The following JMJD7 variants were observed in gnomAD, a reference collection of about 807,000 sequenced individuals.
The protein encoded by JMJD7 is bifunctional peptidase and (3S)-lysyl hydroxylase JMJD7.
Under a neutral mutation model 41.1 loss-of-function variants are expected in JMJD7, and 41 were observed. That is an observed-to-expected ratio of 1.00 (90% CI 0.78 to 1.30). The LOEUF is 1.30. Among genes scored for constraint, JMJD7 ranks in the 50% most tolerant of loss-of-function variants. The pLI is 0.00. For missense variants in JMJD7, 480 were observed against 420.7 expected, an observed-to-expected ratio of 1.14 and a Z score of -1.23; for synonymous variants, 202 against 177.2, an observed-to-expected ratio of 1.14 and a Z score of -1.11.
Position 41,837,070 on chromosome 15 carries a change from A to G in JMJD7, c.865A>G (p.Asn289Asp), listed in dbSNP as rs1173086920. The change falls in exon 8 of 8, where the codon AAT becomes GAT. Residue 289 changes from asparagine (N) to aspartate (D), a missense_variant and splice_region_variant. Transcript: ENST00000397299. ...TCAGATCCCCGTTCTTCCCACAGTG[A>G]ATTTCTGGTATGACATGGAATACGA... ...VQQSQGCIAV[N>D]FWYDMEYDLK... 6.2e-7 allele frequency: 1 copy of G among 1,613,112 alleles called. No homozygotes were observed. The highest frequency in any genetic ancestry group is 1.3e-5 in the African/African-American group (1 of 74,880).
At chr15:41,831,061 C>T (rs1397526234) in intron 1 of JMJD7, among the ~76,000 whole-genome samples, 1 of 152,200 alleles carries the variant, frequency 6.6e-6, no homozygotes, top group East Asian at 1.9e-4. Flanking sequence ...TTCCATGGAC[C>T]GGAATGGGAA....
In JMJD7 at chr15:41,837,263, C is replaced by T. The variant is rs1273807180; in HGVS notation, c.*107C>T. On this transcript the variant is annotated 3_prime_UTR_variant, in exon 8 of 8. Transcript: ENST00000397299. ...CTGGAGTGTGCATGCTGGCTGCTGG[C>T]CCCGGGTCCAGCATGGCTTGAGATC... The T allele has an allele frequency of 1.4e-5, 10 of 733,336 alleles. No individual in the cohort carries two copies. In the Admixed American group the frequency reaches 2.2e-4, roughly 16 times the overall value. The allele number at this position is 733,336 out of a possible 1,614,324, so 45.4% of individuals were successfully genotyped here. A position where few individuals can be genotyped will look rare whatever the true frequency, so the allele number is the denominator to read the frequency against.
chr15:41,835,058 G>A lies in JMJD7; in HGVS notation c.307G>A (p.Ala103Thr), dbSNP rs533259141. ...AVRGDRFMMP[A>T]ERRLPLSFVL... ...GAGAGGGGATCGCTTCATGATGCCA[G>A]CTGAGCGCCGCCTGCCCCTGAGCTT... The change falls in exon 3 of 8, where the codon GCT becomes ACT. Residue 103 changes from alanine to threonine, a missense_variant. Ala to Thr is a moderately conservative substitution (Grantham distance 58). Transcript: ENST00000397299. 5.0e-6 allele frequency: 8 copies of A among 1,613,862 alleles called. No homozygotes were observed. In the South Asian group the frequency reaches 7.7e-5, roughly 16 times the overall value.
At chr15:41,830,824 C>G (rs932396171) in intron 1 of JMJD7, among the ~76,000 whole-genome samples, 1 of 152,262 alleles carries the variant, frequency 6.6e-6, no homozygotes, top group African/African-American at 2.4e-5. Flanking sequence ...AGCCCCCTGC[C>G]TCCTTGGCCC....
At chr15:41,829,470 C>T (rs1799368270) in intron 1 of JMJD7, among the ~76,000 whole-genome samples, 1 of 152,188 alleles carries the variant, frequency 6.6e-6, no homozygotes, top group Non-Finnish European at 1.5e-5. Context: ...CGCCACCACG[C>T]CTGGCTAATT....
intron 1 of JMJD7, among the ~76,000 whole-genome samples, chr15:41,828,911 T>C (rs1373557703): frequency 6.6e-6 from 1 of 152,244 alleles, no homozygotes; most frequent in South Asian, 2.1e-4. Context: ...TACCTCAGTC[T>C]TTTTCACGTC....
chr15:41,833,389 A>AAT (rs1567164757), intron 1 of JMJD7, among the ~76,000 whole-genome samples: 16 of 103,518 alleles, frequency 1.5e-4, no homozygotes, highest in African/African-American at 5.9e-4. Flanking sequence ...ATGTAGGTGA[A>AAT]ATACATATAT....
rs375939436 is a variant in JMJD7 at position 41,836,180 on chromosome 15, G to T, written c.562G>T (p.Val188Leu). ...HKDHYENLYC[V>L]VSGEKHFLFH... is the part of the protein sequence containing the mutation. ...GGACCACTATGAGAACCTCTACTGC[G>T]TGGTCTCAGGAGAGAAGCATTTCCT... The change falls in exon 5 of 8, where the codon GTG (valine) becomes TTG (leucine). Residue 188 changes from valine to leucine, a missense_variant. Transcript: ENST00000397299. 26 of 1,611,744 alleles carry T rather than the reference G, an allele frequency of 1.6e-5. No individual in the cohort carries two copies. The African/African-American group carries it at 3.3e-4, about 21-fold the overall frequency.
intron 4 of JMJD7, 107 bp downstream of exon 4, chr15:41,835,751 C>A: frequency 7.3e-7 from 1 of 1,370,170 alleles, no homozygotes; most frequent in Non-Finnish European, 9.9e-7. Context: ...TTGGGCTGTT[C>A]TCTAAGATTT....
intron 6 of JMJD7, 40 bp downstream of exon 6, chr15:41,836,591 C>T (rs372221448): frequency 3.3e-6 from 5 of 1,513,256 alleles, no homozygotes; most frequent in Non-Finnish European, 4.4e-6. Context: ...GGGAGAAGGG[C>T]AGAAGCCTGG....
At chr15:41,831,069 G>A (rs11632519) in intron 1 of JMJD7, among the ~76,000 whole-genome samples, 33,369 of 152,232 alleles carry the variant, frequency 0.22, 4,783 homozygotes, top group Middle Eastern at 0.45. Context: ...ACCGGAATGG[G>A]AACTTTTGGT....
intron 1 of JMJD7, among the ~76,000 whole-genome samples, chr15:41,833,414 A>ATATATATATATATATT (rs1239528383): frequency 3.1e-5 from 1 of 32,012 alleles, no homozygotes; most frequent in South Asian, 1.4e-3. Context: ...ATATATATAT[A>ATATATATATATATATT]TTTTTTTTTT....
At chr15:41,835,982 C>T in intron 4 of JMJD7, 166 bp from the exon 5 acceptor site, 1 of 682,132 alleles carries the variant, frequency 1.5e-6, no homozygotes, top group Admixed American at 3.2e-5. Flanking sequence ...AGGCAGAGTT[C>T]CAGAATGCCC....
chr15:41,836,703 G>A, intron 6 of JMJD7, 78 bp from the exon 7 acceptor site: 1 of 1,503,502 alleles, frequency 6.7e-7, no homozygotes. Flanking sequence ...GGCCTGTGGT[G>A]TTGACCTTTG....
chr15:41,833,915 CGGTG>C (rs1379036338), intron 1 of JMJD7, among the ~76,000 whole-genome samples: 1 of 152,022 alleles, frequency 6.6e-6, no homozygotes, highest in African/African-American at 2.4e-5. Context: ...GGAGAGGAGA[CGGTG>C]GGTTTGAGAG....
At position 41,828,164 on chromosome 15, in the gene JMJD7, C is replaced by A; in HGVS notation, c.40C>A (p.Arg14=). ...TTTGGAAGCCGTGCGGAGCGAGTTA[C>A]GAGAATTCCCGGCCGCTGCAAGGGG... ...AALEAVRSEL[R]EFPAAARELC... The change falls in exon 1 of 8, where the codon CGA becomes AGA. Residue 14 remains arginine (R), a synonymous_variant. Coordinates refer to ENST00000397299, the MANE Select transcript of JMJD7 (RefSeq NM_001114632.2). The A allele has an allele frequency of 6.7e-7, 1 of 1,492,688 alleles. No individual in the cohort carries two copies. The highest frequency in any genetic ancestry group is 8.8e-7 in the Non-Finnish European group (1 of 1,130,008). 92.5% of individuals were successfully genotyped at this position (1,492,688 alleles called of 1,614,324 possible).
In JMJD7 at chr15:41,834,765, C is replaced by T. The variant is rs2065283116; in HGVS notation, c.90C>T (p.Pro30=). 9 of 1,614,182 alleles carry T rather than the reference C, an allele frequency of 5.6e-6. No homozygotes were observed. The highest frequency in any genetic ancestry group is 7.6e-6 in the Non-Finnish European group (9 of 1,180,034). Residue 30 remains proline, a synonymous_variant, in exon 2 of 8, where the codon CCC becomes CCT. Transcript: ENST00000397299. ...AGCTCTGCGTGCCTCTTGCTGTGCC[C>T]TACCTGGACAAACCCCCAACTCCGC... ...ARELCVPLAV[P]YLDKPPTPLH...
chr15:41,829,040 G>T (rs1567163005), intron 1 of JMJD7: 1 of 152,236 alleles, frequency 6.6e-6, no homozygotes, highest in Non-Finnish European at 1.5e-5. Flanking sequence ...GCATCTCTGT[G>T]TGCCAGGCTC....
At chr15:41,830,856 C>T (rs576045594) in intron 1 of JMJD7, among the ~76,000 whole-genome samples, 61 of 152,338 alleles carry the variant, frequency 4.0e-4, no homozygotes, top group African/African-American at 1.2e-3. Context: ...TGGGTGCCAA[C>T]GAGCATGGGA....
Sources: allele counts gnomAD v4.1 joint callset (sites outside exome capture counted in the v4.1 genomes callset), GRCh38; gene constraint gnomAD v4.1.1; transcripts MANE v1.5; gene names NCBI Gene and HGNC (gene_info 2026-07-23, HGNC 2026-07-21).